RBFOX1: variants seen among roughly 807,000 people sequenced by gnomAD.
RBFOX1 encodes the protein RNA binding fox-1 homolog 1, also known as RNA binding protein fox-1 homolog 1.
RBFOX1 carries 8 observed loss-of-function variants against 57.7 expected under a neutral mutation model. The observed-to-expected ratio is 0.14, with a 90% CI of 0.08 to 0.25. The LOEUF (loss-of-function observed/expected upper bound fraction) is 0.25. Among genes scored for constraint, RBFOX1 ranks in the 10% least tolerant of loss-of-function variants. RBFOX1 has a pLI of 1.00. For synonymous variants in RBFOX1, 326 were observed against 222.4 expected (o/e 1.47, Z -4.15); for missense variants, 611 against 548.5 (o/e 1.11, Z -1.14).
chr16:5,574,583 TTTTGTTTG>T (rs956415831), intron 2 of RBFOX1, among the ~76,000 whole-genome samples: 1 of 151,944 alleles, frequency 6.6e-6, no homozygotes, highest in Non-Finnish European at 1.5e-5. Flanking sequence ...CCCAGCAATT[TTTTGTTTG>T]TTTGTTTGTT....
At chr16:6,930,575 A>G (rs142869551) in intron 3 of RBFOX1, among the ~76,000 whole-genome samples, 1 of 151,738 alleles carries the variant, frequency 6.6e-6, no homozygotes, top group Non-Finnish European at 1.5e-5. Context: ...ATGCCTGGCT[A>G]ATTTTGGTAC....
At chr16:6,089,201 G>T (rs2096135041) in intron 1 of RBFOX1, among the ~76,000 whole-genome samples, 2 of 152,232 alleles carry the variant, frequency 1.3e-5, no homozygotes, top group Admixed American at 1.3e-4. Context: ...GATGGATTCT[G>T]CATTCCAGGA....
chr16:6,371,447 T>G (rs1168717528), intron 2 of RBFOX1, among the ~76,000 whole-genome samples: 1 of 152,220 alleles, frequency 6.6e-6, no homozygotes, highest in African/African-American at 2.4e-5. Flanking sequence ...TTACTTTCGT[T>G]ATTTGTTTTG....
At chr16:5,310,007 T>C (rs529192303) in intron 1 of RBFOX1, among the ~76,000 whole-genome samples, 1 of 152,314 alleles carries the variant, frequency 6.6e-6, no homozygotes, top group African/African-American at 2.4e-5. Flanking sequence ...CCTGAAAACC[T>C]TTTTTGGCTT....
intron 1 of RBFOX1, among the ~76,000 whole-genome samples, chr16:6,262,951 C>A: frequency 6.6e-6 from 1 of 152,176 alleles, no homozygotes; most frequent in East Asian, 1.9e-4. Flanking sequence ...GGAGAGGGCC[C>A]GCTTTAGATG....
At chr16:5,513,478 C>T (rs892661762) in intron 2 of RBFOX1, among the ~76,000 whole-genome samples, 1 of 152,158 alleles carries the variant, frequency 6.6e-6, no homozygotes. Flanking sequence ...TGTAAATTTG[C>T]TCTTCACACA....
chr16:7,405,486 G>T (rs1394479167), intron 4 of RBFOX1, among the ~76,000 whole-genome samples: 1 of 152,212 alleles, frequency 6.6e-6, no homozygotes, highest in African/African-American at 2.4e-5. Flanking sequence ...GGGCTGTTCT[G>T]AAGGCAGCAA....
intron 2 of RBFOX1, among the ~76,000 whole-genome samples, chr16:6,497,039 T>G (rs1294920927): frequency 1.3e-5 from 2 of 152,214 alleles, no homozygotes; most frequent in Admixed American, 1.3e-4. Flanking sequence ...CTTGGTTGGC[T>G]TATATGAGGC....
At chr16:6,094,587 T>C (rs1357199552) in intron 1 of RBFOX1, among the ~76,000 whole-genome samples, 1 of 152,188 alleles carries the variant, frequency 6.6e-6, no homozygotes, top group Admixed American at 6.5e-5. Context: ...TTGAAGCAGG[T>C]AGGTCATAGA....
At chr16:6,881,915 A>T (rs1195358409) in intron 3 of RBFOX1, among the ~76,000 whole-genome samples, 2 of 152,188 alleles carry the variant, frequency 1.3e-5, no homozygotes, top group African/African-American at 4.8e-5. Context: ...CAGGATTTAG[A>T]TGTAGGCTCC....
intron 3 of RBFOX1, among the ~76,000 whole-genome samples, chr16:7,020,140 G>A (rs532130854): frequency 5.0e-4 from 76 of 152,138 alleles, no homozygotes; most frequent in Non-Finnish European, 7.9e-4. Context: ...CAGGTGCGGC[G>A]TACCCGGGGA....
At chr16:6,956,619 C>T (rs1317203720) in intron 3 of RBFOX1, among the ~76,000 whole-genome samples, 2 of 152,198 alleles carry the variant, frequency 1.3e-5, no homozygotes, top group Non-Finnish European at 2.9e-5. Flanking sequence ...AAATCCACAG[C>T]CCGTCTTCCC....
At chr16:6,748,967 C>G (rs373565629) in intron 3 of RBFOX1, 6 of 152,220 alleles carry the variant, frequency 3.9e-5, no homozygotes, top group South Asian at 4.1e-4. Flanking sequence ...CTAGAAAGTT[C>G]TCTCCTAATT....
At position 7,229,658 on chromosome 16, in the gene RBFOX1, G is replaced by C. The variant is rs1265397339; in HGVS notation, c.27+177560G>C. 1.6e-3 allele frequency among the ~76,000 whole-genome samples: 144 copies of C among 88,342 alleles called. 1 individual carries two copies. The highest frequency in any genetic ancestry group is 2.9e-3 in the East Asian group (9 of 3,112). 58.0% of individuals were successfully genotyped at this position (88,342 alleles called of 152,430 possible). A position where few individuals can be genotyped will look rare whatever the true frequency, so the allele number is the denominator to read the frequency against. ...AGGGAAGGAAGGGAGAGAGAGGGAG[G>C]AAGGGCAAAGGAAGTAAGGGAGAGA... On this transcript the variant is annotated intron_variant, in intron 4 of 15. Transcript: ENST00000550418.
intron 1 of RBFOX1, among the ~76,000 whole-genome samples, chr16:6,170,717 G>A (rs74485325): frequency 0.021 from 3,153 of 152,056 alleles, 119 homozygotes; most frequent in African/African-American, 0.073. Context: ...GTACCCAATA[G>A]CTATTTTTCT....
At chr16:5,732,373 C>G (rs958368510) in intron 3 of RBFOX1, among the ~76,000 whole-genome samples, 3 of 152,202 alleles carry the variant, frequency 2.0e-5, no homozygotes, top group Non-Finnish European at 4.4e-5. Context: ...TGAAGATTCT[C>G]AGCCCAGAAG....
chr16:5,647,354 A>G (rs2049087231), intron 3 of RBFOX1, among the ~76,000 whole-genome samples: 1 of 152,328 alleles, frequency 6.6e-6, no homozygotes, highest in Non-Finnish European at 1.5e-5. Context: ...TGTATTTTAG[A>G]AAAATTAGGT....
chr16:7,027,913 A>T (rs1409012180), intron 3 of RBFOX1, among the ~76,000 whole-genome samples: 2 of 151,422 alleles, frequency 1.3e-5, no homozygotes, highest in African/African-American at 2.4e-5. Flanking sequence ...GGAGGAAGAA[A>T]AGAAGGGAAA....
intron 1 of RBFOX1, among the ~76,000 whole-genome samples, chr16:5,292,440 C>G (rs554145763): frequency 2.0e-5 from 3 of 152,214 alleles, no homozygotes; most frequent in East Asian, 1.9e-4. Context: ...AAGCCTGTAC[C>G]AACACTCAGC....
Sources: gnomAD v4.1 joint callset for allele counts (sites outside exome capture counted in the v4.1 genomes callset) on GRCh38, gnomAD v4.1.1 for gene constraint, MANE v1.5 for transcripts, NCBI Gene and HGNC (gene_info 2026-07-23, HGNC 2026-07-21) for gene names.